The following PCDHA11 variants were observed in gnomAD, a reference collection of about 807,000 sequenced individuals.
The protein encoded by PCDHA11 is protocadherin alpha 11.
A neutral mutation model predicts 70.3 loss-of-function variants in PCDHA11; 61 were observed. The observed-to-expected ratio is 0.87, with a 90% CI of 0.71 to 1.07. The LOEUF is 1.07. Among genes scored for constraint, PCDHA11 ranks in the 50% least tolerant of loss-of-function variants. PCDHA11 has a pLI of 0.00. For synonymous variants in PCDHA11, 633 were observed against 555.1 expected (o/e 1.14, Z -1.97); for missense variants, 1,324 against 1,237.5 (o/e 1.07, Z -1.05).
At chr5:140,992,761 A>G (rs1400429465) in intron 3 of PCDHA11, among the ~76,000 whole-genome samples, 1 of 152,180 alleles carries the variant, frequency 6.6e-6, no homozygotes, top group African/African-American at 2.4e-5. Flanking sequence ...TGTTGGGGAT[A>G]GGAGGGTGGG....
chr5:140,869,219 C>A lies in PCDHA11; in HGVS notation c.116C>A (p.Ala39Asp), dbSNP rs543814850. The A allele has an allele frequency of 6.2e-7, 1 of 1,613,836 alleles. No individual in the cohort carries two copies. Among genetic ancestry groups the A allele is most frequent in the African/African-American group, 1.3e-5 (1 of 75,060 alleles). ...CTCCACTACTCCGTCTCGGAGGAGG[C>A]CAAACACGGCACCTTCGTGGGCCGC... The part of the protein sequence containing the change: ...GQLHYSVSEE[A>D]KHGTFVGRIA... The change falls in exon 1 of 4, where the codon GCC becomes GAC. Residue 39 changes from alanine to aspartate, a missense_variant. Ala to Asp is a moderately radical substitution (Grantham distance 126). Transcript: ENST00000398640.
At chr5:140,986,044 G>A (rs1261726247) in intron 3 of PCDHA11, among the ~76,000 whole-genome samples, 4 of 152,078 alleles carry the variant, frequency 2.6e-5, no homozygotes, top group African/African-American at 9.7e-5. Flanking sequence ...TGGCCTCACT[G>A]ATGAATTCTT....
Position 141,010,653 on chromosome 5 carries a change from A to G in PCDHA11, c.*716A>G. On this transcript the variant is annotated 3_prime_UTR_variant, in exon 4 of 4. Transcript: ENST00000398640. ...TGCAAGCCAACAGTTCAGTGTTTTA[A>G]CAGAGAACCACCCTGGGAAACAGAA... 5.9e-6 allele frequency: 1 copy of G among 170,180 alleles called. No individual in the cohort carries two copies. The highest frequency in any genetic ancestry group is 1.3e-5 in the Non-Finnish European group (1 of 78,244). 10.5% of individuals were successfully genotyped at this position (170,180 alleles called of 1,614,324 possible). A position where few individuals can be genotyped will look rare whatever the true frequency, so the allele number is the denominator to read the frequency against.
At chr5:140,877,097 T>G in intron 1 of PCDHA11, 1 of 1,613,308 alleles carries the variant, frequency 6.2e-7, no homozygotes. Context: ...GACGCCGGCG[T>G]GCCGCCTCTG....
intron 1 of PCDHA11, chr5:140,877,741 A>T: frequency 1.2e-6 from 2 of 1,614,182 alleles, no homozygotes; most frequent in Non-Finnish European, 1.7e-6. Flanking sequence ...GAGGAGGCAG[A>T]GGGTGTGCTC....
chr5:140,975,244 A>G (rs934948446), intron 1 of PCDHA11, among the ~76,000 whole-genome samples: 6 of 152,120 alleles, frequency 3.9e-5, no homozygotes. Flanking sequence ...AATCCCTCTT[A>G]TGCTTCAGAT....
chr5:140,933,734 T>C (rs1355766834), intron 1 of PCDHA11, among the ~76,000 whole-genome samples: 2 of 152,062 alleles, frequency 1.3e-5, no homozygotes, highest in Admixed American at 6.5e-5. Flanking sequence ...CTTTCTTAAA[T>C]ATTTGGTAGA....
chr5:140,953,960 A>G (rs2153700982), intron 1 of PCDHA11, among the ~76,000 whole-genome samples: 1 of 152,088 alleles, frequency 6.6e-6, no homozygotes, highest in South Asian at 2.1e-4. Flanking sequence ...AACAGGCCCC[A>G]GTGTGTGTTG....
In PCDHA11 at chr5:140,927,522, A is replaced by G. The variant is rs1292484442; in HGVS notation, c.2392-51427A>G. On this transcript the variant is annotated intron_variant, in intron 1 of 3. Coordinates refer to ENST00000398640, the MANE Select transcript of PCDHA11 (RefSeq NM_018902.5). ...TGCTTACAGCTCGGGACGGCGGGCT[A>G]CCTGCCCGCTCAGGAGACGCACAAG... 5.6e-6 allele frequency: 9 copies of G among 1,614,088 alleles called. No homozygotes were observed. In the South Asian group the frequency reaches 9.9e-5, roughly 18 times the overall value.
chr5:141,000,887 AAC>A (rs1554257872), intron 3 of PCDHA11, among the ~76,000 whole-genome samples: 4 of 152,188 alleles, frequency 2.6e-5, no homozygotes. Context: ...CAACCTGGGC[AAC>A]AGATATAGAC....
chr5:140,967,745 G>A, intron 1 of PCDHA11: 1 of 1,614,184 alleles, frequency 6.2e-7, no homozygotes, highest in Non-Finnish European at 8.5e-7. Flanking sequence ...GGATTATGAG[G>A]AAGCCTCCTC....
intron 1 of PCDHA11, among the ~76,000 whole-genome samples, chr5:140,926,138 T>C (rs2082936633): frequency 6.6e-6 from 1 of 152,004 alleles, no homozygotes; most frequent in African/African-American, 2.4e-5. Flanking sequence ...CGCAGCAGGA[T>C]CCAGCGCGGA....
intron 1 of PCDHA11, among the ~76,000 whole-genome samples, chr5:140,941,202 C>CCTTCCTTTCTTTCTTT (rs1554213920): frequency 7.0e-4 from 86 of 122,822 alleles, no homozygotes; most frequent in Admixed American, 2.1e-3. Context: ...TTTCTTTCTT[C>CCTTCCTTTCTTTCTTT]CTTTCTTTCT....
At chr5:140,932,413 A>G (rs2088287956) in intron 1 of PCDHA11, among the ~76,000 whole-genome samples, 1 of 151,930 alleles carries the variant, frequency 6.6e-6, no homozygotes, top group Admixed American at 6.6e-5. Flanking sequence ...ATGTTATATT[A>G]GTGTATTGTT....
In PCDHA11 at chr5:140,968,471, G is replaced by A. The variant is rs531821868; in HGVS notation, c.2392-10478G>A. On this transcript the variant is annotated intron_variant, in intron 1 of 3. Coordinates refer to ENST00000398640, the MANE Select transcript of PCDHA11 (RefSeq NM_018902.5). ...CAGCACTGTGACTGCCAACGTATAT[G>A]TGGTGGACATGAATGACCATGCCCC... 3.3e-5 allele frequency: 54 copies of A among 1,614,154 alleles called. No homozygotes were observed. The South Asian group carries it at 5.7e-4, about 17-fold the overall frequency.
At chr5:140,892,707 G>A (rs958500270) in intron 1 of PCDHA11, among the ~76,000 whole-genome samples, 1 of 152,136 alleles carries the variant, frequency 6.6e-6, no homozygotes, top group African/African-American at 2.4e-5. Flanking sequence ...AGGGTAATTA[G>A]CATATTCATA....
intron 3 of PCDHA11, among the ~76,000 whole-genome samples, chr5:140,996,581 A>C (rs1554255228): frequency 6.6e-6 from 1 of 152,118 alleles, no homozygotes; most frequent in Non-Finnish European, 1.5e-5. Flanking sequence ...ATTTGTTAAC[A>C]AGGGCCGCCT....
At chr5:140,878,735 C>T (rs2057715661) in intron 1 of PCDHA11, among the ~76,000 whole-genome samples, 1 of 152,198 alleles carries the variant, frequency 6.6e-6, no homozygotes, top group Non-Finnish European at 1.5e-5. Context: ...AGCCTTATAT[C>T]TACTTTCTTA....
At chr5:140,967,562 C>T in intron 1 of PCDHA11, 1 of 1,614,064 alleles carries the variant, frequency 6.2e-7, no homozygotes, top group Non-Finnish European at 8.5e-7. Context: ...TCGCGTCCAG[C>T]TACGGGAGGA....
Sources: allele counts gnomAD v4.1 joint callset (sites outside exome capture counted in the v4.1 genomes callset), GRCh38; gene constraint gnomAD v4.1.1; transcripts MANE v1.5; gene names NCBI Gene and HGNC (gene_info 2026-07-23, HGNC 2026-07-21).